NARS2: variants seen among roughly 807,000 people sequenced by gnomAD.
NARS2 encodes the protein asparaginyl-tRNA synthetase.
In NARS2, 60 loss-of-function variants were observed where a neutral mutation model predicts 62.9. The observed-to-expected ratio is 0.95, with a 90% CI of 0.77 to 1.18. The LOEUF (loss-of-function observed/expected upper bound fraction) is 1.18. NARS2 is among the 50% of genes most tolerant of loss of function. NARS2 has a pLI of 0.00. For missense variants in NARS2, 619 were observed against 576.4 expected, an observed-to-expected ratio of 1.07 and a Z score of -0.76; for synonymous variants, 196 against 200.0, an observed-to-expected ratio of 0.98 and a Z score of 0.17.
At chr11:78,480,926 C>T (rs1859326821) in intron 7 of NARS2, among the ~76,000 whole-genome samples, 1 of 151,876 alleles carries the variant, frequency 6.6e-6, no homozygotes, top group African/African-American at 2.4e-5. Flanking sequence ...TCAAGCAATT[C>T]TCCTACCTCA....
intron 13 of NARS2, among the ~76,000 whole-genome samples, chr11:78,437,033 G>C (rs1177008404): frequency 3.3e-5 from 5 of 152,194 alleles, no homozygotes; most frequent in Non-Finnish European, 1.5e-5. Flanking sequence ...CTGTCATACA[G>C]TCATGGGCTT....
At chr11:78,544,795 C>CAAAAAAAA (rs35180232) in intron 5 of NARS2, among the ~76,000 whole-genome samples, 1 of 63,256 alleles carries the variant, frequency 1.6e-5, no homozygotes, top group Admixed American at 2.0e-4. Flanking sequence ...CTCCGTCTCA[C>CAAAAAAAA]AAAAAAAAAA....
chr11:78,563,885 G>GTAT lies in NARS2; in HGVS notation c.513+2244_513+2246dup, dbSNP rs550249150. Reference sequence around the variant, plus strand: ...ATATATATATGTATACACACACACAGTATTATTATTATTATTATTATTATT... The same window carrying GTAT: ...ATATATATATGTATACACACACACAGTATTATTATTATTATTATTATTATTATT... On this transcript the variant is annotated intron_variant, in intron 4 of 13. Transcript: ENST00000281038. Among the ~76,000 whole-genome samples, 783 of 82,034 alleles carry GTAT rather than the reference G, an allele frequency of 9.5e-3. 13 individuals carry two copies. The highest frequency in any genetic ancestry group is 0.015 in the South Asian group (30 of 2,066). The allele number at this position is 82,034 out of a possible 152,430, so 53.8% of individuals were successfully genotyped here.
intron 5 of NARS2, among the ~76,000 whole-genome samples, chr11:78,556,800 A>G (rs956315534): frequency 7.2e-5 from 11 of 152,366 alleles, no homozygotes; most frequent in Admixed American, 2.6e-4. Flanking sequence ...CAAATTATAA[A>G]GACCAAACCT....
In NARS2 at chr11:78,436,622, T is replaced by C; in HGVS notation, c.*48A>G. 1 of 1,601,920 alleles carries C rather than the reference T, an allele frequency of 6.2e-7. No homozygotes were observed. Among genetic ancestry groups the C allele is most frequent in the Non-Finnish European group, 8.5e-7 (1 of 1,170,654 alleles). ...GCATTCTGCTGTATGCACAATCATG[T>C]GCAGTGTCTCTGCCATGGGGGGTGC... On this transcript the variant is annotated 3_prime_UTR_variant, in exon 14 of 14. Coordinates refer to ENST00000281038, the MANE Select transcript of NARS2 (RefSeq NM_024678.6).
At chr11:78,493,757 T>C (rs944728898) in intron 6 of NARS2, among the ~76,000 whole-genome samples, 5 of 152,126 alleles carry the variant, frequency 3.3e-5, no homozygotes, top group Non-Finnish European at 7.4e-5. Context: ...ACAAATCCTA[T>C]GGTTTTACTA....
chr11:78,555,045 T>C (rs1590858720), intron 5 of NARS2, among the ~76,000 whole-genome samples: 1 of 152,236 alleles, frequency 6.6e-6, no homozygotes, highest in East Asian at 1.9e-4. Flanking sequence ...TGATTGATTT[T>C]TGTATGCTGA....
At chr11:78,531,844 CAGAT>C (rs978551621) in intron 5 of NARS2, among the ~76,000 whole-genome samples, 3 of 152,004 alleles carry the variant, frequency 2.0e-5, no homozygotes, top group Admixed American at 6.6e-5. Context: ...TCCATAGAGA[CAGAT>C]GGATGAGAGT....
At chr11:78,443,208 C>T (rs1036757442) in intron 12 of NARS2, among the ~76,000 whole-genome samples, 16 of 151,792 alleles carry the variant, frequency 1.1e-4, no homozygotes, top group Admixed American at 6.6e-4. Flanking sequence ...CGCCTGTAGT[C>T]CCAGCTACTT....
intron 6 of NARS2, among the ~76,000 whole-genome samples, chr11:78,519,886 G>A (rs886406408): frequency 6.6e-6 from 1 of 151,854 alleles, no homozygotes; most frequent in Non-Finnish European, 1.5e-5. Context: ...GTAGAGACGG[G>A]GTTTCACCAT....
At chr11:78,492,952 C>T (rs755083217) in intron 7 of NARS2, 111 bp downstream of exon 7, 2 of 887,036 alleles carry the variant, frequency 2.3e-6, no homozygotes, top group Non-Finnish European at 3.5e-6. Flanking sequence ...AGTAGTTACC[C>T]CTTCTTTTCA....
chr11:78,528,502 T>A (rs1412156361), intron 6 of NARS2, among the ~76,000 whole-genome samples: 1 of 152,206 alleles, frequency 6.6e-6, no homozygotes, highest in Non-Finnish European at 1.5e-5. Context: ...AATACTACTC[T>A]CTTTAAAATG....
intron 6 of NARS2, among the ~76,000 whole-genome samples, chr11:78,517,097 A>T (rs1860942144): frequency 6.6e-6 from 1 of 152,212 alleles, no homozygotes; most frequent in Non-Finnish European, 1.5e-5. Flanking sequence ...AGGAATACAA[A>T]TGGGATGATG....
intron 6 of NARS2, among the ~76,000 whole-genome samples, chr11:78,516,964 T>G (rs1185309425): frequency 1.3e-5 from 2 of 151,342 alleles, no homozygotes; most frequent in Non-Finnish European, 2.9e-5. Context: ...AAGGAGGAGG[T>G]GATGGTGGTG....
intron 10 of NARS2, among the ~76,000 whole-genome samples, chr11:78,466,285 G>A (rs1244191926): frequency 1.5e-5 from 2 of 136,998 alleles, no homozygotes; most frequent in Non-Finnish European, 3.1e-5. Context: ...CCCCCCAGGA[G>A]CAGACAATAC....
intron 6 of NARS2, among the ~76,000 whole-genome samples, chr11:78,499,275 T>C (rs1860193101): frequency 6.6e-6 from 1 of 152,082 alleles, no homozygotes; most frequent in Admixed American, 6.5e-5. Context: ...AAATAAGTAA[T>C]TCTTCTTCTA....
In NARS2 at chr11:78,522,866, T is replaced by C. The variant is rs569443633; in HGVS notation, c.689+5976A>G. Among the ~76,000 whole-genome samples the C allele has an allele frequency of 6.6e-5, 10 of 152,292 alleles. No homozygotes were observed. In the East Asian group the frequency reaches 1.7e-3, roughly 26 times the overall value. On this transcript the variant is annotated intron_variant, in intron 6 of 13. Coordinates refer to ENST00000281038, the MANE Select transcript of NARS2 (RefSeq NM_024678.6). ...TCAGTATTCAAAGGACAGCATATGT[T>C]CCAGGTTCATGCATGGCAGTATTCA...
At chr11:78,451,420 C>T (rs1057441721) in intron 11 of NARS2, among the ~76,000 whole-genome samples, 2 of 152,168 alleles carry the variant, frequency 1.3e-5, no homozygotes, top group Non-Finnish European at 2.9e-5. Flanking sequence ...AACACACAGG[C>T]AATTACACAA....
At chr11:78,454,181 A>G (rs1565208073) in intron 11 of NARS2, among the ~76,000 whole-genome samples, 1 of 152,202 alleles carries the variant, frequency 6.6e-6, no homozygotes, top group Non-Finnish European at 1.5e-5. Flanking sequence ...AGTATGACCT[A>G]TGGGAATGAC....
Sources: gnomAD v4.1 joint callset for allele counts (sites outside exome capture counted in the v4.1 genomes callset) on GRCh38, gnomAD v4.1.1 for gene constraint, MANE v1.5 for transcripts, NCBI Gene and HGNC (gene_info 2026-07-23, HGNC 2026-07-21) for gene names.